The following CADPS2 variants were observed in gnomAD, a reference collection of about 807,000 sequenced individuals.
CADPS2 encodes calcium dependent secretion activator 2.
In CADPS2, 93 loss-of-function variants were observed where a neutral mutation model predicts 172.5. The ratio of observed to expected loss-of-function variants is 0.54; its 90% CI spans 0.46 to 0.64. CADPS2 has a LOEUF of 0.64. Ranked by LOEUF, CADPS2 falls within the 30% of genes least tolerant of loss-of-function variation. The pLI is 0.00. For missense variants in CADPS2, 1,420 were observed against 1,565.9 expected (o/e 0.91, Z 1.57); for synonymous variants, 546 against 555.2 (o/e 0.98, Z 0.23).
chr7:122,745,909 T>C (rs544050014), intron 1 of CADPS2, among the ~76,000 whole-genome samples: 1 of 152,236 alleles, frequency 6.6e-6, no homozygotes, highest in South Asian at 2.1e-4. Flanking sequence ...GTTTATGTAT[T>C]ACTAACGGGG....
chr7:122,351,286 C>T (rs1364886798), intron 27 of CADPS2, among the ~76,000 whole-genome samples: 21 of 142,584 alleles, frequency 1.5e-4, no homozygotes, highest in African/African-American at 4.1e-4. Context: ...GGCAGGACAA[C>T]AGCATGAACC....
Position 122,886,309 on chromosome 7 carries a change from T to A in CADPS2, c.29A>T (p.Glu10Val), listed in dbSNP as rs1273678632. The A allele has an allele frequency of 1.3e-6, 2 of 1,502,804 alleles. No individual in the cohort carries two copies. Among genetic ancestry groups the A allele is most frequent in the African/African-American group, 2.9e-5 (2 of 68,716 alleles). The allele number at this position is 1,502,804 out of a possible 1,614,324, so 93.1% of individuals were successfully genotyped here. Residue 10 changes from glutamate to valine, a missense_variant, in exon 1 of 30, where the codon GAG (glutamate) becomes GTG (valine). By Grantham distance (121) the Glu-to-Val change is moderately radical. Transcript: ENST00000449022. MLDPSSSEE[E>V]SDEGLEEESR... The stretch of plus-strand genomic sequence containing the variant: ...TTCCTCTTCCAGCCCCTCGTCCGAC[T>A]CCTCTTCGCTGGAAGACGGGTCCAG...
chr7:122,623,491 T>C (rs146378130), intron 4 of CADPS2, among the ~76,000 whole-genome samples: 10 of 152,310 alleles, frequency 6.6e-5, no homozygotes, highest in Admixed American at 2.0e-4. Flanking sequence ...TATTTATTAT[T>C]GATTAAAGAT....
intron 1 of CADPS2, among the ~76,000 whole-genome samples, chr7:122,762,459 T>C (rs971605176): frequency 6.6e-6 from 1 of 152,224 alleles, no homozygotes; most frequent in South Asian, 2.1e-4. Context: ...AATACAAAGA[T>C]GAAGAATTAG....
intron 14 of CADPS2, among the ~76,000 whole-genome samples, chr7:122,469,312 G>T (rs1419242931): frequency 6.6e-6 from 1 of 152,142 alleles, no homozygotes; most frequent in Non-Finnish European, 1.5e-5. Flanking sequence ...AAAATATTCT[G>T]ATTATACAGT....
chr7:122,720,510 GTATA>G lies in CADPS2; in HGVS notation c.453+16441_453+16444del, dbSNP rs553650886. ...TATATGTATATGTATATACGTATAA[GTATA>G]TATACATATGTGTATGCAGATATGT... On this transcript the variant is annotated intron_variant, in intron 2 of 29. Transcript: ENST00000449022. 2.2e-3 allele frequency among the ~76,000 whole-genome samples: 331 copies of G among 150,398 alleles called. 4 individuals are homozygous for G. Among genetic ancestry groups the G allele is most frequent in the Non-Finnish European group, 3.6e-3 (245 of 67,588 alleles).
At chr7:122,803,994 A>C (rs37890) in intron 1 of CADPS2, among the ~76,000 whole-genome samples, 24,699 of 148,070 alleles carry the variant, frequency 0.17, 2,509 homozygotes, top group African/African-American at 0.29. Flanking sequence ...AAAAAAAAAA[A>C]AAAACACTGC....
At position 122,793,247 on chromosome 7, in the gene CADPS2, ACTGTGTGGGAGT is replaced by A. The variant is rs1326327038; in HGVS notation, c.340-56191_340-56180del. On this transcript the variant is annotated intron_variant, in intron 1 of 29. Coordinates refer to ENST00000449022, the MANE Select transcript of CADPS2 (RefSeq NM_017954.11). ...TATAATATCTTCAAAAATGTTTACAACTGTGTGGGAGTCTAAGTCTCTTGAGAAATTCTAAGA... is the reference window on the plus strand; with the variant it reads ...TATAATATCTTCAAAAATGTTTACAACTAAGTCTCTTGAGAAATTCTAAGA... Among the ~76,000 whole-genome samples the A allele has an allele frequency of 2.0e-5, 3 of 152,260 alleles. No homozygotes were observed. The East Asian group carries it at 5.8e-4, about 29-fold the overall frequency.
Position 122,491,545 on chromosome 7 carries a change from A to C in CADPS2, c.1543-125T>G, listed in dbSNP as rs2058289891. ...AACATAATTTGCACATAAATTATTA[A>C]ATTTTAGCATTTTTCAAAACCTAGC... On this transcript the variant is annotated intron_variant, in intron 9 of 29. Coordinates refer to ENST00000449022, the MANE Select transcript of CADPS2 (RefSeq NM_017954.11). 3 of 556,224 alleles carry C rather than the reference A, an allele frequency of 5.4e-6. No individual in the cohort carries two copies. In the East Asian group the frequency reaches 9.3e-5, roughly 17 times the overall value. 34.5% of individuals were successfully genotyped at this position (556,224 alleles called of 1,614,324 possible).
Position 122,477,003 on chromosome 7 carries a change from GA to G in CADPS2, c.1862-2487del, listed in dbSNP as rs2056704213. Among the ~76,000 whole-genome samples the G allele has an allele frequency of 4.4e-3, 348 of 78,982 alleles. 2 individuals carry two copies. The highest frequency in any genetic ancestry group is 7.0e-3 in the Non-Finnish European group (277 of 39,710). 51.8% of individuals were successfully genotyped at this position (78,982 alleles called of 152,430 possible). ...AGGGGGGCGGGAGGGGAGGGGAGAG[GA>G]GAGGAGAGGAGAGGAGAGGAGAGGA... On this transcript the variant is annotated intron_variant, in intron 12 of 29. Coordinates refer to ENST00000449022, the MANE Select transcript of CADPS2 (RefSeq NM_017954.11).
At chr7:122,657,041 C>A (rs1410888801) in intron 3 of CADPS2, among the ~76,000 whole-genome samples, 1 of 152,108 alleles carries the variant, frequency 6.6e-6, no homozygotes, top group South Asian at 2.1e-4. Context: ...AGCCAGTTTT[C>A]CCAGCACCAT....
intron 1 of CADPS2, among the ~76,000 whole-genome samples, chr7:122,879,356 T>C (rs1018746274): frequency 4.0e-5 from 6 of 150,232 alleles, no homozygotes; most frequent in Non-Finnish European, 8.9e-5. Context: ...GCCAATATGG[T>C]GAAACCCCGT....
At chr7:122,574,445 TAAAAAAA>T (rs869077766) in intron 7 of CADPS2, among the ~76,000 whole-genome samples, 4 of 37,974 alleles carry the variant, frequency 1.1e-4, no homozygotes, top group African/African-American at 4.4e-4. Flanking sequence ...GACCCTGTCT[TAAAAAAA>T]AAAAAAAAAA....
intron 17 of CADPS2, among the ~76,000 whole-genome samples, chr7:122,422,426 G>A (rs1168799248): frequency 6.6e-6 from 1 of 152,160 alleles, no homozygotes; most frequent in Admixed American, 6.5e-5. Context: ...ATTAGGCCCA[G>A]CTGAAGAAAT....
intron 28 of CADPS2, among the ~76,000 whole-genome samples, chr7:122,335,591 A>G (rs2035737765): frequency 6.6e-6 from 1 of 152,238 alleles, no homozygotes; most frequent in Admixed American, 6.5e-5. Flanking sequence ...AGGTCAGTAG[A>G]GCAAAAGTAT....
At chr7:122,480,971 T>G in intron 11 of CADPS2, 111 bp from the exon 12 acceptor site, 1 of 940,112 alleles carries the variant, frequency 1.1e-6, no homozygotes, top group Non-Finnish European at 1.5e-6. Flanking sequence ...TACTCATGAT[T>G]TTAAAAGTTG....
At chr7:122,828,653 C>A (rs537115106) in intron 1 of CADPS2, among the ~76,000 whole-genome samples, 4 of 152,260 alleles carry the variant, frequency 2.6e-5, no homozygotes, top group South Asian at 2.1e-4. Flanking sequence ...TCCTGGTTCT[C>A]TAAGATTTAT....
intron 1 of CADPS2, among the ~76,000 whole-genome samples, chr7:122,787,773 G>T (rs1323872993): frequency 6.6e-6 from 1 of 152,218 alleles, no homozygotes; most frequent in African/African-American, 2.4e-5. Flanking sequence ...GGTATTAGCT[G>T]TTAGAGTAGC....
At chr7:122,885,975 G>A (rs1824258078) in intron 1 of CADPS2, 24 bp downstream of exon 1, 2 of 1,589,678 alleles carry the variant, frequency 1.3e-6, no homozygotes, top group African/African-American at 2.7e-5. Flanking sequence ...GTGGTGGTAG[G>A]AGGCGCCCGG....
Sources: gnomAD v4.1 joint callset for allele counts (sites outside exome capture counted in the v4.1 genomes callset) on GRCh38, gnomAD v4.1.1 for gene constraint, MANE v1.5 for transcripts, NCBI Gene and HGNC (gene_info 2026-07-23, HGNC 2026-07-21) for gene names.